The following COPB2 variants were observed in gnomAD, a reference collection of about 807,000 sequenced individuals.
COPB2 encodes coatomer subunit beta'.
COPB2 carries 16 observed loss-of-function variants against 120.8 expected under a neutral mutation model. That is an observed-to-expected ratio of 0.13 (90% CI 0.09 to 0.20). The LOEUF is 0.20. Among genes scored for constraint, COPB2 ranks in the 10% least tolerant of loss-of-function variants. The pLI is 1.00. For synonymous variants in COPB2, 332 were observed against 366.3 expected, an observed-to-expected ratio of 0.91 and a Z score of 1.07; for missense variants, 794 against 1,076.5, an observed-to-expected ratio of 0.74 and a Z score of 3.67.
intron 9 of COPB2, among the ~76,000 whole-genome samples, chr3:139,372,551 A>T (rs1941639740): frequency 6.6e-6 from 1 of 152,228 alleles, no homozygotes; most frequent in South Asian, 2.1e-4. Context: ...ATTACAAATA[A>T]TTATGGATAC....
chr3:139,388,540 T>A (rs1560023955), intron 1 of COPB2, among the ~76,000 whole-genome samples: 1 of 151,814 alleles, frequency 6.6e-6, no homozygotes, highest in Non-Finnish European at 1.5e-5. Flanking sequence ...GAAACATAAT[T>A]TAAAAAAATT....
chr3:139,366,954 C>G, intron 14 of COPB2, 61 bp downstream of exon 14: 1 of 1,567,234 alleles, frequency 6.4e-7, no homozygotes, highest in Non-Finnish European at 8.7e-7. Flanking sequence ...TACAAGCCAG[C>G]AACAGATTTT....
chr3:139,386,852 T>C (rs1941934250), intron 1 of COPB2, among the ~76,000 whole-genome samples: 1 of 152,022 alleles, frequency 6.6e-6, no homozygotes, highest in Non-Finnish European at 1.5e-5. Flanking sequence ...CAATGAACTC[T>C]GAGCAACCCC....
At position 139,379,072 on chromosome 3, in the gene COPB2, G is replaced by A; in HGVS notation, c.330C>T (p.Thr110=). ...DYIRCIAVHP[T]QPFILTSSDD... is the part of the protein sequence containing the mutation. The stretch of plus-strand genomic sequence containing the variant: ...CACTGCTAGTTAGAATGAAAGGCTG[G>A]GTTGGATGAACAGCAATACAGCGAA... Residue 110 remains threonine, a synonymous_variant, in exon 4 of 22, where the codon ACC becomes ACT. Transcript: ENST00000333188. 6.2e-7 allele frequency: 1 copy of A among 1,607,388 alleles called. No homozygotes were observed.
At chr3:139,362,321 C>A in intron 16 of COPB2, 86 bp downstream of exon 16, 1 of 868,524 alleles carries the variant, frequency 1.2e-6, no homozygotes, top group Non-Finnish European at 1.7e-6. Context: ...TTTGGGAAAA[C>A]TTTAATAACA....
rs1941684138 is a variant in COPB2 at position 139,374,660 on chromosome 3, G to C, written c.652-72C>G. 3.3e-6 allele frequency: 4 copies of C among 1,212,848 alleles called. No homozygotes were observed. The Admixed American group carries it at 7.3e-5, about 22-fold the overall frequency. 75.1% of individuals were successfully genotyped at this position (1,212,848 alleles called of 1,614,324 possible). A position where few individuals can be genotyped will look rare whatever the true frequency, so the allele number is the denominator to read the frequency against. The stretch of plus-strand genomic sequence containing the variant: ...AACCAGCCCGCCCTTAATTTTCTCA[G>C]TGTACAGATACATTATAAATGATAG... On this transcript the variant is annotated intron_variant, in intron 6 of 21. Coordinates refer to ENST00000333188, the MANE Select transcript of COPB2 (RefSeq NM_004766.3).
chr3:139,358,893 T>A (rs1372809442), intron 19 of COPB2, 81 bp from the exon 20 acceptor site: 4 of 1,555,336 alleles, frequency 2.6e-6, no homozygotes, highest in Non-Finnish European at 2.7e-6. Context: ...ATCCCAGATA[T>A]CAGCTCTTAA....
intron 1 of COPB2, chr3:139,388,189 G>A (rs563818829): frequency 3.3e-5 from 5 of 152,186 alleles, no homozygotes; most frequent in African/African-American, 1.2e-4. Flanking sequence ...ACTACATCAG[G>A]TAGTTAGTAA....
chr3:139,367,788 A>G (rs1941545990), intron 13 of COPB2, among the ~76,000 whole-genome samples: 5 of 152,244 alleles, frequency 3.3e-5, no homozygotes, highest in Admixed American at 3.3e-4. Context: ...ATGAAATATT[A>G]AGTATTTCAC....
intron 1 of COPB2, among the ~76,000 whole-genome samples, chr3:139,383,676 T>C (rs1045130149): frequency 3.9e-5 from 6 of 152,192 alleles, no homozygotes; most frequent in Non-Finnish European, 8.8e-5. Flanking sequence ...GATTCCTTTA[T>C]AGTCCTTAAA....
Position 139,359,150 on chromosome 3 carries a change from A to T in COPB2, c.2332T>A (p.Ser778Thr). 6.2e-7 allele frequency: 1 copy of T among 1,613,852 alleles called. No homozygotes were observed. The highest frequency in any genetic ancestry group is 1.7e-4 in the Middle Eastern group (1 of 6,058). The change falls in exon 19 of 22, where the codon TCA becomes ACA. Residue 778 changes from serine (S) to threonine (T), a missense_variant. Around this residue, in one of 3 missense-constraint regions of COPB2, gnomAD observed 178 missense variants for 183.2 expected, o/e 0.97. Coordinates refer to ENST00000333188, the MANE Select transcript of COPB2 (RefSeq NM_004766.3). ...RVVKLWRENL[S>T]KVNQKAAESL... ...TCTGCTGCTTTCTGATTGACTTTTG[A>T]GAGATTCTCTCTCCAGAGTTTCACT...
intron 7 of COPB2, among the ~76,000 whole-genome samples, 173 bp from the exon 8 acceptor site, chr3:139,373,981 C>T (rs1188073221): frequency 3.3e-5 from 5 of 152,106 alleles, no homozygotes; most frequent in African/African-American, 9.7e-5. Context: ...GCAACATAAA[C>T]ATAACACATA....
chr3:139,375,081 T>C (rs1047829079), intron 6 of COPB2, among the ~76,000 whole-genome samples: 1 of 152,182 alleles, frequency 6.6e-6, no homozygotes, highest in Admixed American at 6.5e-5. Flanking sequence ...ATCTTAGAGA[T>C]AGGAAGCATG....
chr3:139,371,822 A>G lies in COPB2; in HGVS notation c.1106T>C (p.Val369Ala). 6.2e-7 allele frequency: 1 copy of G among 1,613,812 alleles called. No individual in the cohort carries two copies. Among genetic ancestry groups the G allele is most frequent in the South Asian group, 1.1e-5 (1 of 91,066 alleles). ...GATGATATACTCCCCATCACCACAC[A>G]CCACCACAAACCTAGAAATCACAGA... ...QHNPNGRFVV[V>A]CGDGEYIIYT... Residue 369 changes from valine (V) to alanine (A), a missense_variant, in exon 10 of 22, where the codon GTG becomes GCG. Physicochemically the swap from Val to Ala is moderately conservative, Grantham distance 64. Coordinates refer to ENST00000333188, the MANE Select transcript of COPB2 (RefSeq NM_004766.3).
chr3:139,358,136 C>A, intron 21 of COPB2, 64 bp downstream of exon 21: 1 of 1,437,054 alleles, frequency 7.0e-7, no homozygotes, highest in South Asian at 1.1e-5. Context: ...GCCTACGTAT[C>A]CTCCAGATAT....
rs940571905 is a variant in COPB2 at position 139,375,379 on chromosome 3, A to G, written c.651+89T>C. On this transcript the variant is annotated intron_variant, in intron 6 of 21. Coordinates refer to ENST00000333188, the MANE Select transcript of COPB2 (RefSeq NM_004766.3). ...TACCTTAAGTTATTATGCTGTGAACAGTTTTCAACAACCCAAGTCTTAACT... is the reference window on the plus strand; with the variant it reads ...TACCTTAAGTTATTATGCTGTGAACGGTTTTCAACAACCCAAGTCTTAACT... 19 of 1,322,170 alleles carry G rather than the reference A, an allele frequency of 1.4e-5. No individual in the cohort carries two copies. In the African/African-American group the frequency reaches 2.3e-4, roughly 16 times the overall value. The allele number at this position is 1,322,170 out of a possible 1,614,324, so 81.9% of individuals were successfully genotyped here. A position where few individuals can be genotyped will look rare whatever the true frequency, so the allele number is the denominator to read the frequency against.
intron 9 of COPB2, 75 bp from the exon 10 acceptor site, chr3:139,371,908 G>T: frequency 1.9e-6 from 2 of 1,028,914 alleles, no homozygotes; most frequent in South Asian, 1.5e-5. Context: ...AATAATTCAT[G>T]TTATGGTAAA....
chr3:139,358,980 G>A lies in COPB2; in HGVS notation c.2484+18C>T, dbSNP rs780459664. 2.5e-6 allele frequency: 4 copies of A among 1,607,408 alleles called. No individual in the cohort carries two copies. The highest frequency in any genetic ancestry group is 3.4e-6 in the Non-Finnish European group (4 of 1,177,362). ...CCTGTAGTTACAATAAATGAAGCTT[G>A]ACATCCTGGCCACTCACCGTGACAA... is the stretch of plus-strand genomic sequence containing the variant. On this transcript the variant is annotated intron_variant, in intron 19 of 21. Transcript: ENST00000333188.
At chr3:139,360,487 CA>C (rs1941395673) in intron 17 of COPB2, among the ~76,000 whole-genome samples, 1 of 135,320 alleles carries the variant, frequency 7.4e-6, no homozygotes, top group African/African-American at 2.7e-5. Context: ...CACTGCACTC[CA>C]GCCTGGGCAA....
Sources: allele counts gnomAD v4.1 joint callset (sites outside exome capture counted in the v4.1 genomes callset), GRCh38; gene constraint gnomAD v4.1.1; regional missense constraint gnomAD v4.1.1; transcripts MANE v1.5; gene names NCBI Gene and HGNC (gene_info 2026-07-23, HGNC 2026-07-21).